The following TENM4 variants were observed in gnomAD, a reference collection of about 807,000 sequenced individuals.
The protein encoded by TENM4 is teneurin-4.
Under a neutral mutation model 243.3 loss-of-function variants are expected in TENM4, and 82 were observed. The observed-to-expected ratio is 0.34, with a 90% CI of 0.28 to 0.40. The LOEUF (loss-of-function observed/expected upper bound fraction) is 0.40. TENM4 is among the 10% of genes least tolerant of loss of function. The pLI is 1.00. For missense variants in TENM4, 3,138 were observed against 3,673.3 expected, an observed-to-expected ratio of 0.85 and a Z score of 3.77; for synonymous variants, 1,412 against 1,456.3, an observed-to-expected ratio of 0.97 and a Z score of 0.69.
intron 3 of TENM4, among the ~76,000 whole-genome samples, chr11:79,197,600 A>G (rs1863657234): frequency 6.6e-6 from 1 of 152,110 alleles, no homozygotes; most frequent in Non-Finnish European, 1.5e-5. Context: ...TTCCACTTCC[A>G]TCCTCCTGTG....
intron 3 of TENM4, among the ~76,000 whole-genome samples, chr11:79,174,086 C>T (rs1565235586): frequency 6.6e-6 from 1 of 152,174 alleles, no homozygotes; most frequent in Non-Finnish European, 1.5e-5. Flanking sequence ...TTTTAACCCC[C>T]TGGGGAATTC....
At chr11:79,054,753 A>G (rs1357449256) in intron 6 of TENM4, among the ~76,000 whole-genome samples, 1 of 152,016 alleles carries the variant, frequency 6.6e-6, no homozygotes, top group Non-Finnish European at 1.5e-5. Flanking sequence ...GCCCCCAGTT[A>G]CCATCTTTTA....
intron 9 of TENM4, among the ~76,000 whole-genome samples, chr11:78,881,322 G>C (rs147937989): frequency 1.4e-4 from 22 of 152,318 alleles, no homozygotes; most frequent in African/African-American, 5.1e-4. Context: ...ACATGGCCTG[G>C]ATCAATGGTT....
intron 6 of TENM4, among the ~76,000 whole-genome samples, chr11:78,957,369 T>G (rs1161726741): frequency 6.6e-6 from 1 of 152,138 alleles, no homozygotes; most frequent in Non-Finnish European, 1.5e-5. Context: ...AAGACAAAAA[T>G]CTCACTGGAC....
At position 78,994,353 on chromosome 11, in the gene TENM4, C is replaced by A. The variant is rs554739388; in HGVS notation, c.493+70385G>T. Among the ~76,000 whole-genome samples the A allele has an allele frequency of 2.1e-4, 32 of 152,298 alleles. No homozygotes were observed. The South Asian group carries it at 6.4e-3, about 31-fold the overall frequency. ...GCATTTAATCAAAGGCTCATGAGGA[C>A]CTCAATGCAGATTTCTGTAGCCTTT... On this transcript the variant is annotated intron_variant, in intron 6 of 33. Transcript: ENST00000278550.
chr11:78,826,214 A>C (rs1319112621), intron 12 of TENM4, among the ~76,000 whole-genome samples: 1 of 150,968 alleles, frequency 6.6e-6, no homozygotes, highest in Non-Finnish European at 1.5e-5. Flanking sequence ...CAGCCTCCCA[A>C]GTAGCTGGGA....
At chr11:79,014,447 C>G (rs897560207) in intron 6 of TENM4, 1 of 152,176 alleles carries the variant, frequency 6.6e-6, no homozygotes, top group Non-Finnish European at 1.5e-5. Flanking sequence ...CTATTTGTTC[C>G]AAAATGCCCT....
At chr11:79,293,088 A>G (rs1272451316) in intron 2 of TENM4, among the ~76,000 whole-genome samples, 1 of 152,204 alleles carries the variant, frequency 6.6e-6, no homozygotes, top group Non-Finnish European at 1.5e-5. Flanking sequence ...TTAAAACACT[A>G]TCACTAATGG....
At chr11:78,879,421 CGGCCGCCCCGTCTGGG>C (rs1859365364) in intron 9 of TENM4, among the ~76,000 whole-genome samples, 7 of 150,384 alleles carry the variant, frequency 4.7e-5, no homozygotes, top group African/African-American at 7.3e-5. Context: ...TGCCTCTGCC[CGGCCGCCCCGTCTGGG>C]AGGTGGGGAG....
At chr11:78,676,644 A>G (rs1858485655) in intron 29 of TENM4, among the ~76,000 whole-genome samples, 1 of 152,266 alleles carries the variant, frequency 6.6e-6, no homozygotes, top group Non-Finnish European at 1.5e-5. Flanking sequence ...ACAGTTTAAA[A>G]TAGGTAAGAG....
intron 9 of TENM4, among the ~76,000 whole-genome samples, chr11:78,863,852 ATATACT>A (rs1414810329): frequency 2.0e-5 from 3 of 152,244 alleles, no homozygotes; most frequent in Admixed American, 6.5e-5. Flanking sequence ...CCTCCTCCAG[ATATACT>A]TATACATGTA....
intron 1 of TENM4, among the ~76,000 whole-genome samples, chr11:79,377,569 T>G (rs1017030319): frequency 6.6e-6 from 1 of 152,176 alleles, no homozygotes; most frequent in Non-Finnish European, 1.5e-5. Flanking sequence ...GACACATACA[T>G]GCAATCCCTA....
In TENM4 at chr11:78,670,022, T is replaced by C. The variant is rs199597334; in HGVS notation, c.6323A>G (p.Tyr2108Cys). 267 of 1,613,862 alleles carry C rather than the reference T, an allele frequency of 1.7e-4. 4 individuals carry two copies. Among genetic ancestry groups the C allele is most frequent in the Middle Eastern group, 1.5e-3 (9 of 6,084 alleles). The change falls in exon 32 of 34, where the codon TAT becomes TGT. Residue 2108 changes from tyrosine to cysteine, a missense_variant. Tyr to Cys is a radical substitution (Grantham distance 194). Around this residue, in one of 2 missense-constraint regions of TENM4, gnomAD observed 2,467 missense variants for 3,059.1 expected, o/e 0.81. Transcript: ENST00000278550. ...INETPLPIDLYRYDDVSGKTE... is the reference protein window; with the variant it reads ...INETPLPIDLCRYDDVSGKTE... ...CTTGCCTGACACATCATCATAGCGA[T>C]AGAGATCAATGGGCAGTGGGGTCTC...
chr11:78,666,897 T>C (rs1317719370), intron 32 of TENM4, among the ~76,000 whole-genome samples: 3 of 152,272 alleles, frequency 2.0e-5, no homozygotes, highest in African/African-American at 4.8e-5. Context: ...ATGTATATGG[T>C]GGTGTACAAA....
chr11:79,197,040 C>T (rs935264262), intron 3 of TENM4, among the ~76,000 whole-genome samples: 2 of 152,204 alleles, frequency 1.3e-5, no homozygotes, highest in South Asian at 4.1e-4. Context: ...TATTCCATGC[C>T]AGACTGGGGC....
chr11:79,327,605 C>T (rs947574043), intron 1 of TENM4, among the ~76,000 whole-genome samples: 6 of 150,898 alleles, frequency 4.0e-5, no homozygotes, highest in Non-Finnish European at 7.4e-5. Flanking sequence ...GCATGTTGCC[C>T]CAAATCACTT....
intron 6 of TENM4, among the ~76,000 whole-genome samples, chr11:78,937,713 C>A (rs145117588): frequency 6.6e-6 from 1 of 152,156 alleles, no homozygotes; most frequent in Admixed American, 6.6e-5. Context: ...GTTCATCTGG[C>A]CTTCTAAGAA....
chr11:79,122,250 A>G (rs1397231196), intron 4 of TENM4, among the ~76,000 whole-genome samples: 1 of 152,142 alleles, frequency 6.6e-6, no homozygotes, highest in Admixed American at 6.6e-5. Flanking sequence ...GGAAGGAGGG[A>G]AAGAAAGGAG....
chr11:79,048,440 A>G (rs899356760), intron 6 of TENM4, among the ~76,000 whole-genome samples: 2 of 152,158 alleles, frequency 1.3e-5, no homozygotes, highest in African/African-American at 4.8e-5. Context: ...CCCTGACAGT[A>G]GGCAGTCTAG....
Sources: allele counts gnomAD v4.1 joint callset (sites outside exome capture counted in the v4.1 genomes callset), GRCh38; gene constraint gnomAD v4.1.1; regional missense constraint gnomAD v4.1.1; transcripts MANE v1.5; gene names NCBI Gene and HGNC (gene_info 2026-07-23, HGNC 2026-07-21).